The following VAV2 variants were observed in gnomAD, a reference collection of about 807,000 sequenced individuals.
The protein encoded by VAV2 is vav guanine nucleotide exchange factor 2.
A neutral mutation model predicts 132.5 loss-of-function variants in VAV2; 67 were observed. That is an observed-to-expected ratio of 0.51 (90% CI 0.42 to 0.62). The LOEUF (loss-of-function observed/expected upper bound fraction) is 0.62, where lower values mean the gene tolerates loss of function less well. VAV2 is among the 20% of genes least tolerant of loss of function. VAV2 has a pLI of 0.00. For missense variants in VAV2, 938 were observed against 1,153.6 expected (o/e 0.81, Z 2.71); for synonymous variants, 492 against 443.5 (o/e 1.11, Z -1.37).
In VAV2 at chr9:133,822,780, C is replaced by G. The variant is rs1281686490; in HGVS notation, c.450-10564G>C. 2.0e-5 allele frequency among the ~76,000 whole-genome samples: 3 copies of G among 151,886 alleles called. No homozygotes were observed. In the East Asian group the frequency reaches 5.8e-4, roughly 29 times the overall value. On this transcript the variant is annotated intron_variant, in intron 4 of 29. Transcript: ENST00000371850. The stretch of plus-strand genomic sequence containing the variant: ...TCTAAGCAGTAAAAGAGCCTCCCAC[C>G]ATCTAAAAATATTCAGGAACCAAAA...
chr9:133,817,650 C>T (rs1835613600), intron 4 of VAV2, among the ~76,000 whole-genome samples: 1 of 152,152 alleles, frequency 6.6e-6, no homozygotes, highest in African/African-American at 2.4e-5. Context: ...TAACTTCCAC[C>T]GTACTATCTT....
Position 133,868,605 on chromosome 9 carries a change from G to A in VAV2, c.322-7173C>T, listed in dbSNP as rs569664343. Among the ~76,000 whole-genome samples the A allele has an allele frequency of 2.0e-5, 3 of 152,226 alleles. No homozygotes were observed. The South Asian group carries it at 6.2e-4, about 32-fold the overall frequency. On this transcript the variant is annotated intron_variant, in intron 2 of 29. Transcript: ENST00000371850. ...GCTGCACTCCATCCTCCACTTGCTC[G>A]AATGAAGAAACAAAAACAGAGCAAA...
intron 15 of VAV2, among the ~76,000 whole-genome samples, chr9:133,787,886 T>C (rs1004044794): frequency 1.4e-5 from 2 of 146,606 alleles, no homozygotes; most frequent in Non-Finnish European, 3.0e-5. Context: ...GCCAGCTACA[T>C]GTAGAGTCTC....
At chr9:133,984,058 G>A (rs897228653) in intron 1 of VAV2, among the ~76,000 whole-genome samples, 3 of 152,086 alleles carry the variant, frequency 2.0e-5, no homozygotes, top group Non-Finnish European at 4.4e-5. Context: ...TGCAACCTCT[G>A]CCTTCTGGGT....
At chr9:133,955,390 G>GCTCCTCCCCACTCCCCACA in intron 1 of VAV2, among the ~76,000 whole-genome samples, 1 of 135,906 alleles carries the variant, frequency 7.4e-6, no homozygotes, top group South Asian at 2.4e-4. Flanking sequence ...CCCCGCCCAC[G>GCTCCTCCCCACTCCCCACA]CTCCTCCCCA....
At chr9:133,990,170 C>T (rs1372402557) in intron 1 of VAV2, among the ~76,000 whole-genome samples, 1 of 152,066 alleles carries the variant, frequency 6.6e-6, no homozygotes, top group African/African-American at 2.4e-5. Context: ...CAGACACACA[C>T]CCATCTGGTC....
At chr9:133,942,213 G>A (rs1423807723) in intron 1 of VAV2, among the ~76,000 whole-genome samples, 1 of 152,224 alleles carries the variant, frequency 6.6e-6, no homozygotes, top group Non-Finnish European at 1.5e-5. Flanking sequence ...GACCCACGAG[G>A]AGTGCATGTG....
intron 3 of VAV2, among the ~76,000 whole-genome samples, chr9:133,843,117 A>C (rs367927454): frequency 7.9e-5 from 12 of 152,248 alleles, no homozygotes; most frequent in African/African-American, 2.2e-4. Flanking sequence ...CAATGGGAGG[A>C]GGCCAGGTCG....
At chr9:133,888,999 C>T (rs1292216009) in intron 2 of VAV2, among the ~76,000 whole-genome samples, 2 of 152,188 alleles carry the variant, frequency 1.3e-5, no homozygotes, top group Non-Finnish European at 1.5e-5. Flanking sequence ...GGCAGGGACA[C>T]CGCGTCCCCG....
intron 18 of VAV2, among the ~76,000 whole-genome samples, chr9:133,784,021 C>T (rs1834119742): frequency 6.6e-6 from 1 of 152,144 alleles, no homozygotes; most frequent in South Asian, 2.1e-4. Flanking sequence ...GCTGGGGCCA[C>T]AGGAGCAGGC....
At chr9:133,964,997 G>A (rs747128892) in intron 1 of VAV2, among the ~76,000 whole-genome samples, 11 of 152,108 alleles carry the variant, frequency 7.2e-5, no homozygotes, top group African/African-American at 9.7e-5. Context: ...GAAAGAAATA[G>A]AGGGCCTCCA....
At chr9:133,913,756 C>T (rs972004217) in intron 2 of VAV2, among the ~76,000 whole-genome samples, 4 of 152,246 alleles carry the variant, frequency 2.6e-5, no homozygotes, top group African/African-American at 9.6e-5. Context: ...CCTTGGGCAC[C>T]GCGCCCAGGT....
chr9:133,944,210 G>A (rs867109783), intron 1 of VAV2, among the ~76,000 whole-genome samples: 9 of 152,186 alleles, frequency 5.9e-5, no homozygotes, highest in South Asian at 4.1e-4. Flanking sequence ...GCAGCCCACC[G>A]AGAGCAGGGG....
At chr9:133,987,067 G>C (rs999313937) in intron 1 of VAV2, among the ~76,000 whole-genome samples, 1 of 151,578 alleles carries the variant, frequency 6.6e-6, no homozygotes, top group Non-Finnish European at 1.5e-5. Flanking sequence ...TCGAATGAAG[G>C]CACAAGGTTC....
chr9:133,986,366 G>A (rs1564527071), intron 1 of VAV2, among the ~76,000 whole-genome samples: 1 of 152,228 alleles, frequency 6.6e-6, no homozygotes. Context: ...TCAAAGAAAG[G>A]CTGAGGAGCA....
At chr9:133,782,884 C>T (rs1357032387) in intron 19 of VAV2, among the ~76,000 whole-genome samples, 1 of 152,174 alleles carries the variant, frequency 6.6e-6, no homozygotes, top group Admixed American at 6.5e-5. Context: ...CAGGGCACAA[C>T]CCCAAAGGTA....
chr9:133,798,085 T>A (rs1384506587), intron 9 of VAV2, among the ~76,000 whole-genome samples: 1 of 152,138 alleles, frequency 6.6e-6, no homozygotes, highest in Non-Finnish European at 1.5e-5. Flanking sequence ...CCGGCTGGGA[T>A]GCAGGCTGGA....
At chr9:133,853,244 G>A (rs989658838) in intron 3 of VAV2, among the ~76,000 whole-genome samples, 1 of 152,182 alleles carries the variant, frequency 6.6e-6, no homozygotes, top group Non-Finnish European at 1.5e-5. Flanking sequence ...TGCAGATGTG[G>A]CCTCCCTCTA....
intron 3 of VAV2, among the ~76,000 whole-genome samples, chr9:133,836,249 G>A (rs979721497): frequency 2.0e-5 from 3 of 152,214 alleles, no homozygotes; most frequent in East Asian, 3.9e-4. Flanking sequence ...ACAGGAGCAC[G>A]TGGGGGGCCA....
Sources: allele counts gnomAD v4.1 joint callset (sites outside exome capture counted in the v4.1 genomes callset), GRCh38; gene constraint gnomAD v4.1.1; transcripts MANE v1.5; gene names NCBI Gene and HGNC (gene_info 2026-07-23, HGNC 2026-07-21).